Variants in HECTD4 observed in about 807,000 individuals in gnomAD.
HECTD4 encodes the protein HECT domain E3 ubiquitin protein ligase 4.
A neutral mutation model predicts 471.5 loss-of-function variants in HECTD4; 114 were observed. The observed-to-expected ratio is 0.24, with a 90% confidence interval of 0.21 to 0.28. HECTD4 has a LOEUF of 0.28. Among genes scored for constraint, HECTD4 ranks in the 10% least tolerant of loss-of-function variants. The pLI, the probability that HECTD4 is intolerant of heterozygous loss-of-function variation, is 1.00. For missense variants in HECTD4, 3,866 were observed against 5,651.5 expected (o/e 0.68, Z 10.13); for synonymous variants, 2,012 against 2,256.0 (o/e 0.89, Z 3.07).
In HECTD4 at chr12:112,162,558, C is replaced by T. The variant is rs1489005391; in HGVS notation, c.13121-35G>A. The T allele has an allele frequency of 1.9e-6, 3 of 1,613,288 alleles. No homozygotes were observed. The highest frequency in any genetic ancestry group is 2.2e-5 in the South Asian group (2 of 91,008). On this transcript the variant is annotated intron_variant, in intron 75 of 75. Transcript: ENST00000682272. This position sits in a 1 kb window ranked among gnomAD's most constrained non-coding sequence, Gnocchi z 5.2. Reference sequence around the variant, plus strand: ...ACCGAGCCAGCATCAGAGGGTTGGGCCCACATCTGTGAGGCTCCCAGGGAA... The same window carrying T: ...ACCGAGCCAGCATCAGAGGGTTGGGTCCACATCTGTGAGGCTCCCAGGGAA...
intron 1 of HECTD4, among the ~76,000 whole-genome samples, chr12:112,374,678 C>T (rs867128256): frequency 6.6e-6 from 1 of 152,200 alleles, no homozygotes; most frequent in Non-Finnish European, 1.5e-5. Flanking sequence ...AGTACATAAA[C>T]ACTTTCCAAA....
chr12:112,268,860 C>T (rs1593993967), intron 13 of HECTD4, among the ~76,000 whole-genome samples: 1 of 141,868 alleles, frequency 7.0e-6, no homozygotes, highest in African/African-American at 2.6e-5. Context: ...GCTCTCTTGT[C>T]TGAAAAGGTT....
intron 1 of HECTD4, among the ~76,000 whole-genome samples, chr12:112,335,839 A>C (rs974953174): frequency 1.3e-5 from 2 of 152,182 alleles, no homozygotes; most frequent in African/African-American, 4.8e-5. Context: ...AAAATAAATA[A>C]ATAAGTGTTC....
At chr12:112,324,453 AAAT>A (rs1240983187) in intron 1 of HECTD4, among the ~76,000 whole-genome samples, 2 of 152,060 alleles carry the variant, frequency 1.3e-5, no homozygotes, top group Admixed American at 6.6e-5. Context: ...CACATCAAAC[AAAT>A]AATGATTGAT....
At chr12:112,349,991 G>A (rs2036223293) in intron 1 of HECTD4, among the ~76,000 whole-genome samples, 1 of 151,948 alleles carries the variant, frequency 6.6e-6, no homozygotes, top group South Asian at 2.1e-4. Flanking sequence ...GCCTCATTCT[G>A]TTGCCCAGGT....
chr12:112,255,812 GCCA>G (rs2033994978), intron 21 of HECTD4, among the ~76,000 whole-genome samples: 2 of 152,096 alleles, frequency 1.3e-5, no homozygotes, highest in Non-Finnish European at 2.9e-5. Flanking sequence ...TAACTGTTAA[GCCA>G]CCAGGTTGGA....
chr12:112,163,257 G>A lies in HECTD4; in HGVS notation c.12905C>T (p.Thr4302Ile). The part of the protein sequence containing the change: ...YINLEFLKAH[T>I]MYQVGLMETD... ...CTCCATCAGCCCCACTTGGTACATGGTGTGGGCCTGGGGAGGAGAGGTCCA... is the reference window on the plus strand; with the variant it reads ...CTCCATCAGCCCCACTTGGTACATGATGTGGGCCTGGGGAGGAGAGGTCCA... Residue 4302 changes from threonine to isoleucine, a missense_variant, in exon 75 of 76, where the codon ACC becomes ATC. By Grantham distance (89) the Thr-to-Ile change is moderately conservative. Around this residue, in one of 16 missense-constraint regions of HECTD4, gnomAD observed 715 missense variants for 1,087.6 expected, o/e 0.66. Coordinates refer to ENST00000682272, the MANE Select transcript of HECTD4 (RefSeq NM_001388303.1). The surrounding 1 kb of genome is among the most constrained non-coding windows in gnomAD (Gnocchi z 8.2). 1 of 1,612,608 alleles carries A rather than the reference G, an allele frequency of 6.2e-7. No individual in the cohort carries two copies. The highest frequency in any genetic ancestry group is 8.5e-7 in the Non-Finnish European group (1 of 1,178,892).
intron 17 of HECTD4, among the ~76,000 whole-genome samples, chr12:112,263,067 CA>C (rs1811924452): frequency 2.0e-5 from 3 of 148,698 alleles, no homozygotes. Flanking sequence ...CAGGTATTTA[CA>C]GGGCTTGTTG....
chr12:112,223,422 CT>C (rs2033150893), intron 44 of HECTD4, among the ~76,000 whole-genome samples: 1 of 151,856 alleles, frequency 6.6e-6, no homozygotes, highest in African/African-American at 2.4e-5. Flanking sequence ...TTCTTTTTTT[CT>C]TTCTTTCTTC....
chr12:112,195,892 T>C (rs1192848091), intron 55 of HECTD4, among the ~76,000 whole-genome samples: 1 of 152,234 alleles, frequency 6.6e-6, no homozygotes, highest in Non-Finnish European at 1.5e-5. Flanking sequence ...CCAGGCGCAA[T>C]GGCTTACACC....
chr12:112,258,298 T>G (rs2034069364), intron 20 of HECTD4, 198 bp downstream of exon 20: 1 of 405,996 alleles, frequency 2.5e-6, no homozygotes, highest in Non-Finnish European at 4.3e-6. Flanking sequence ...AATCTCTTGA[T>G]CCATGGGGAA....
rs764590068 is a variant in HECTD4, at chr12:112,196,774, T to C, written c.8568-1708A>G. ...CCTAGCTAATTTTTTCTTATTTTTG[T>C]AGAGACACGGTCTCTCTCTCTCTCT... On this transcript the variant is annotated intron_variant, in intron 55 of 75. Transcript: ENST00000682272. Among the ~76,000 whole-genome samples the C allele has an allele frequency of 2.5e-3, 375 of 152,228 alleles. 1 individual carries two copies. Among genetic ancestry groups the C allele is most frequent in the Non-Finnish European group, 4.0e-3 (270 of 67,994 alleles).
intron 1 of HECTD4, among the ~76,000 whole-genome samples, chr12:112,336,103 T>C (rs1205310139): frequency 2.0e-5 from 3 of 151,812 alleles, no homozygotes; most frequent in Non-Finnish European, 4.4e-5. Context: ...AGAAAAAATA[T>C]ATTAAACTAT....
intron 1 of HECTD4, among the ~76,000 whole-genome samples, chr12:112,365,387 C>T (rs1266950560): frequency 6.6e-6 from 1 of 152,088 alleles, no homozygotes; most frequent in South Asian, 2.1e-4. Context: ...CAGAGTGAGA[C>T]CCTGTCTCTA....
intron 69 of HECTD4, 114 bp from the exon 70 acceptor site, chr12:112,169,772 C>T (rs759193256): frequency 8.3e-7 from 1 of 1,211,144 alleles, no homozygotes. Flanking sequence ...CCCCTGCTCC[C>T]TCGCTCGGCC....
rs1307942412 is a variant in HECTD4, at chr12:112,188,367, T to C, written c.9472+2419A>G. On this transcript the variant is annotated intron_variant, in intron 60 of 75. Transcript: ENST00000682272. The surrounding 1 kb of genome is among the most constrained non-coding windows in gnomAD (Gnocchi z 4.2). ...TGGAAACAATCATATAATGGTGGCATGATAATGACTGAAGTTTGGGAAACA... is the reference window on the plus strand; with the variant it reads ...TGGAAACAATCATATAATGGTGGCACGATAATGACTGAAGTTTGGGAAACA... Among the ~76,000 whole-genome samples the C allele has an allele frequency of 6.6e-6, 1 of 152,190 alleles. No homozygotes were observed. Among genetic ancestry groups the C allele is most frequent in the Non-Finnish European group, 1.5e-5 (1 of 68,036 alleles).
chr12:112,286,794 G>C (rs2034763833), intron 7 of HECTD4, among the ~76,000 whole-genome samples: 1 of 152,200 alleles, frequency 6.6e-6, no homozygotes, highest in Non-Finnish European at 1.5e-5. Flanking sequence ...TTACTGACAG[G>C]GCCTCACAAG....
chr12:112,318,122 A>G (rs1045072061), intron 2 of HECTD4, among the ~76,000 whole-genome samples: 2 of 151,788 alleles, frequency 1.3e-5, no homozygotes, highest in African/African-American at 4.8e-5. Flanking sequence ...TAAAAATACA[A>G]AAAAATTAGT....
At chr12:112,261,239 T>G in intron 18 of HECTD4, 66 bp downstream of exon 18, 1 of 1,453,664 alleles carries the variant, frequency 6.9e-7, no homozygotes. Context: ...TAAAAAGATT[T>G]AATTTCAATA....
Sources: gnomAD v4.1 joint callset for allele counts (sites outside exome capture counted in the v4.1 genomes callset) on GRCh38, gnomAD v4.1.1 for gene constraint, gnomAD v4.1.1 regional missense constraint, Gnocchi (gnomAD v3.1) non-coding constraint, MANE v1.5 for transcripts, NCBI Gene and HGNC (gene_info 2026-07-23, HGNC 2026-07-21) for gene names.